The following ARHGAP5 variants were observed in gnomAD, a reference collection of about 807,000 sequenced individuals.
ARHGAP5 encodes the protein rho GTPase-activating protein 5.
A neutral mutation model predicts 116.6 loss-of-function variants in ARHGAP5; 23 were observed. The ratio of observed to expected loss-of-function variants is 0.20; its 90% CI spans 0.14 to 0.28. The LOEUF (loss-of-function observed/expected upper bound fraction) is 0.28. Among genes scored for constraint, ARHGAP5 ranks in the 10% least tolerant of loss-of-function variants. The pLI is 1.00. For missense variants in ARHGAP5, 1,405 were observed against 1,774.8 expected, an observed-to-expected ratio of 0.79 and a Z score of 3.74; for synonymous variants, 574 against 602.0, an observed-to-expected ratio of 0.95 and a Z score of 0.68.
rs1210882017 is a variant in ARHGAP5 at position 32,092,972 on chromosome 14, C to T, written c.2303C>T (p.Pro768Leu). ...AATTTGGATGTGGTGAGCCCAATTC[C>T]TGCCAATAAGGACTTATCAGAAGCT... ...KHNLDVVSPI[P>L]ANKDLSEADL... The change falls in exon 2 of 7, where the codon CCT (proline) becomes CTT (leucine). Residue 768 changes from proline to leucine, a missense_variant. Pro to Leu is a moderately conservative substitution (Grantham distance 98). Coordinates refer to ENST00000345122, the MANE Select transcript of ARHGAP5 (RefSeq NM_001030055.2). This position sits in a 1 kb window ranked among gnomAD's most constrained non-coding sequence, Gnocchi z 4.1. 1 of 1,613,930 alleles carries T rather than the reference C, an allele frequency of 6.2e-7. No homozygotes were observed. Among genetic ancestry groups the T allele is most frequent in the Non-Finnish European group, 8.5e-7 (1 of 1,179,956 alleles).
intron 1 of ARHGAP5, among the ~76,000 whole-genome samples, chr14:32,077,959 C>A (rs2041727918): frequency 6.6e-6 from 1 of 152,168 alleles, no homozygotes; most frequent in South Asian, 2.1e-4. Flanking sequence ...CCCTCATCTC[C>A]TCGACTCCTC....
At chr14:32,085,506 TTTG>T (rs2041820026) in intron 1 of ARHGAP5, among the ~76,000 whole-genome samples, 1 of 152,198 alleles carries the variant, frequency 6.6e-6, no homozygotes, top group Admixed American at 6.5e-5. Flanking sequence ...TGTTCATCTT[TTTG>T]TTGTTGTTTT....
At chr14:32,084,009 G>A (rs2041804309) in intron 1 of ARHGAP5, among the ~76,000 whole-genome samples, 1 of 152,100 alleles carries the variant, frequency 6.6e-6, no homozygotes, top group African/African-American at 2.4e-5. Context: ...GATGAACATG[G>A]GATGACCTTT....
chr14:32,079,750 C>T (rs1315502396), intron 1 of ARHGAP5, among the ~76,000 whole-genome samples: 1 of 152,028 alleles, frequency 6.6e-6, no homozygotes, highest in Non-Finnish European at 1.5e-5. Flanking sequence ...TATGAAATGG[C>T]ATAATAGAGA....
chr14:32,087,370 A>C (rs2041839703), intron 1 of ARHGAP5, among the ~76,000 whole-genome samples: 1 of 151,884 alleles, frequency 6.6e-6, no homozygotes, highest in Admixed American at 6.6e-5. Context: ...TTGTCCATTG[A>C]GGTGGTAATA....
chr14:32,120,818 C>A (rs1204424974), intron 3 of ARHGAP5, among the ~76,000 whole-genome samples: 1 of 151,834 alleles, frequency 6.6e-6, no homozygotes, highest in African/African-American at 2.4e-5. Context: ...AGATCAAATT[C>A]TTTGAGTGTG....
At chr14:32,081,269 A>G (rs2041769594) in intron 1 of ARHGAP5, among the ~76,000 whole-genome samples, 1 of 152,218 alleles carries the variant, frequency 6.6e-6, no homozygotes, top group Non-Finnish European at 1.5e-5. Context: ...AAGTTAGTAG[A>G]AAGTTATTTA....
chr14:32,091,655 A>C lies in ARHGAP5; in HGVS notation c.986A>C (p.Glu329Ala). 6.2e-7 allele frequency: 1 copy of C among 1,610,882 alleles called. No individual in the cohort carries two copies. The highest frequency in any genetic ancestry group is 1.1e-5 in the South Asian group (1 of 90,246). Residue 329 changes from glutamate to alanine, a missense_variant, in exon 2 of 7, where the codon GAA (glutamate) becomes GCA (alanine). By Grantham distance (107) the Glu-to-Ala change is moderately radical (BLOSUM62 -1). Transcript: ENST00000345122. ...AAACATATAGAACAACTTAAACAGG[A>C]ACATATAAGAAAAAGGAGAGAAGAG... is the stretch of plus-strand genomic sequence containing the variant. The part of the protein sequence containing the change: ...FSKHIEQLKQ[E>A]HIRKRREEYI...
At chr14:32,152,726 G>A (rs1881699473) in intron 6 of ARHGAP5, among the ~76,000 whole-genome samples, 198 bp downstream of exon 6, 1 of 152,292 alleles carries the variant, frequency 6.6e-6, no homozygotes, top group African/African-American at 2.4e-5. Flanking sequence ...AATAGTAAGT[G>A]TGGTAAGTAT....
intron 5 of ARHGAP5, among the ~76,000 whole-genome samples, chr14:32,152,074 G>T (rs1881659641): frequency 6.6e-6 from 1 of 152,150 alleles, no homozygotes; most frequent in Non-Finnish European, 1.5e-5. Context: ...GTCAGATTAG[G>T]TGCGGCATTA....
rs184524886 is a variant in ARHGAP5, at chr14:32,144,701, C to T, written c.3866-1562C>T. The stretch of plus-strand genomic sequence containing the variant: ...TTTTCAACATGTTGGCCAGGCTTGT[C>T]TCAAACTCCTGACCTCAAGTGATCC... On this transcript the variant is annotated intron_variant, in intron 3 of 6. Transcript: ENST00000345122. Among the ~76,000 whole-genome samples the T allele has an allele frequency of 1.8e-3, 279 of 152,210 alleles. 1 individual carries two copies. Among genetic ancestry groups the T allele is most frequent in the South Asian group, 8.5e-3 (41 of 4,824 alleles).
At chr14:32,128,135 C>T (rs955283856) in intron 3 of ARHGAP5, among the ~76,000 whole-genome samples, 2 of 150,428 alleles carry the variant, frequency 1.3e-5, no homozygotes, top group African/African-American at 4.9e-5. Flanking sequence ...GGCGGCCAGG[C>T]AGAGACGCTT....
intron 1 of ARHGAP5, among the ~76,000 whole-genome samples, chr14:32,089,520 C>T (rs2041863623): frequency 6.6e-6 from 1 of 151,760 alleles, no homozygotes; most frequent in Non-Finnish European, 1.5e-5. Flanking sequence ...AATTTATTAC[C>T]TACATGAAAA....
chr14:32,157,620 CT>C lies in ARHGAP5; in HGVS notation c.*2674del, dbSNP rs1881949554. ...GAAGTCAAATTCTATTCAACAGACA[CT>C]TATTAGGATATACAACTAATTTAAG... On this transcript the variant is annotated 3_prime_UTR_variant, in exon 7 of 7. Coordinates refer to ENST00000345122, the MANE Select transcript of ARHGAP5 (RefSeq NM_001030055.2). The C allele has an allele frequency of 6.6e-6, 1 of 152,078 alleles. No homozygotes were observed. The allele number at this position is 152,078 out of a possible 1,614,324, so 9.4% of individuals were successfully genotyped here.
At chr14:32,128,752 T>C (rs1308874691) in intron 3 of ARHGAP5, among the ~76,000 whole-genome samples, 1 of 152,268 alleles carries the variant, frequency 6.6e-6, no homozygotes, top group Non-Finnish European at 1.5e-5. Context: ...TTTAATATGC[T>C]GTTAGATTTT....
intron 2 of ARHGAP5, 129 bp from the exon 3 acceptor site, chr14:32,117,011 T>G: frequency 3.2e-6 from 2 of 621,458 alleles, no homozygotes; most frequent in Non-Finnish European, 5.0e-6. Flanking sequence ...GCGAGTCATA[T>G]TGGTGGACAT....
At chr14:32,106,235 C>A (rs1879012224) in intron 2 of ARHGAP5, among the ~76,000 whole-genome samples, 1 of 152,202 alleles carries the variant, frequency 6.6e-6, no homozygotes, top group Non-Finnish European at 1.5e-5. Flanking sequence ...AATTCTCTGC[C>A]TCAGCCTCCT....
rs1425931807 is a variant in ARHGAP5 at position 32,157,375 on chromosome 14, TA to T, written c.*2430del. On this transcript the variant is annotated 3_prime_UTR_variant, in exon 7 of 7. Transcript: ENST00000345122. Reference sequence around the variant, plus strand: ...TAGGGACCTATCATATGAGACTTCTTAAAGGATTAAAAGAATAGGATAGTCT... The same window carrying T: ...TAGGGACCTATCATATGAGACTTCTTAAGGATTAAAAGAATAGGATAGTCT... The T allele has an allele frequency of 6.6e-6, 1 of 152,286 alleles. No homozygotes were observed. Among genetic ancestry groups the T allele is most frequent in the Non-Finnish European group, 1.5e-5 (1 of 67,748 alleles). The allele number at this position is 152,286 out of a possible 1,614,324, so 9.4% of individuals were successfully genotyped here.
intron 2 of ARHGAP5, among the ~76,000 whole-genome samples, chr14:32,110,863 G>A (rs748701588): frequency 3.9e-5 from 6 of 152,284 alleles, no homozygotes; most frequent in Admixed American, 1.3e-4. Flanking sequence ...AGGAGATAGA[G>A]GATGACTCCA....
Sources: allele counts gnomAD v4.1 joint callset (sites outside exome capture counted in the v4.1 genomes callset), GRCh38; gene constraint gnomAD v4.1.1; non-coding constraint Gnocchi (gnomAD v3.1); transcripts MANE v1.5; gene names NCBI Gene and HGNC (gene_info 2026-07-23, HGNC 2026-07-21).